The following ATP2C1 variants were observed in gnomAD, a reference collection of about 807,000 sequenced individuals.
The protein encoded by ATP2C1 is ATPase secretory pathway Ca2+ transporting 1.
ATP2C1 carries 31 observed loss-of-function variants against 120.5 expected under a neutral mutation model. The ratio of observed to expected loss-of-function variants is 0.26; its 90% confidence interval spans 0.19 to 0.35. ATP2C1 has a LOEUF of 0.35. Ranked by LOEUF, ATP2C1 falls within the 10% of genes least tolerant of loss-of-function variation. The pLI is 1.00. For missense variants in ATP2C1, 731 were observed against 1,107.5 expected (o/e 0.66, Z 4.83); for synonymous variants, 351 against 358.7 (o/e 0.98, Z 0.24).
At chr3:130,855,169 T>C (rs1404796976) in intron 1 of ATP2C1, among the ~76,000 whole-genome samples, 4 of 152,218 alleles carry the variant, frequency 2.6e-5, no homozygotes, top group Non-Finnish European at 5.9e-5. Context: ...TGCAATAGTT[T>C]TCCAATTCGT....
intron 1 of ATP2C1, among the ~76,000 whole-genome samples, chr3:130,860,562 GTAT>G (rs762994665): frequency 1.3e-5 from 2 of 152,198 alleles, no homozygotes; most frequent in African/African-American, 2.4e-5. Context: ...AAAGTCAGTG[GTAT>G]TATCCCCATT....
At chr3:130,870,413 C>G (rs1484111422) in intron 1 of ATP2C1, among the ~76,000 whole-genome samples, 1 of 152,186 alleles carries the variant, frequency 6.6e-6, no homozygotes, top group East Asian at 1.9e-4. Context: ...AAACTGAAAA[C>G]TTTCCAGAGA....
Position 130,994,042 on chromosome 3 carries a change from T to C in ATP2C1, c.2001T>C (p.Asp667=). ...TTGCGATGGGCCAGACTGGTACAGA[T>C]GTTTGCAAAGAGGCAGCAGACATGA... ...IGVAMGQTGT[D]VCKEAADMIL... Residue 667 remains aspartate, a synonymous_variant, in exon 22 of 28, where the codon GAT becomes GAC. Transcript: ENST00000510168. 6.2e-7 allele frequency: 1 copy of C among 1,614,156 alleles called. No homozygotes were observed. Among genetic ancestry groups the C allele is most frequent in the Non-Finnish European group, 8.5e-7 (1 of 1,180,020 alleles).
chr3:130,929,020 CAT>C lies in ATP2C1; in HGVS notation c.7-1395_7-1394del, dbSNP rs781442615. ...TAAGGGCATTTCAGTGGCTCTAAAA[CAT>C]GTGTGTAGCTTTTGTAAAATTCCTA... On this transcript the variant is annotated intron_variant, in intron 2 of 27. Coordinates refer to ENST00000510168, the MANE Select transcript of ATP2C1 (RefSeq NM_001378687.1). Among the ~76,000 whole-genome samples the C allele has an allele frequency of 1.1e-3, 172 of 152,224 alleles. 2 individuals carry two copies. Among genetic ancestry groups the C allele is most frequent in the African/African-American group, 3.4e-3 (141 of 41,540 alleles).
chr3:130,975,030 T>A (rs963528900), intron 17 of ATP2C1, among the ~76,000 whole-genome samples: 1 of 152,204 alleles, frequency 6.6e-6, no homozygotes, highest in Non-Finnish European at 1.5e-5. Context: ...GAGCTGTTAT[T>A]TCTCTTCCAT....
chr3:130,952,758 C>A (rs528526099), intron 8 of ATP2C1, among the ~76,000 whole-genome samples: 1 of 152,200 alleles, frequency 6.6e-6, no homozygotes, highest in African/African-American at 2.4e-5. Context: ...TCCTAAGGAC[C>A]CTTGAATAAA....
intron 2 of ATP2C1, among the ~76,000 whole-genome samples, chr3:130,896,929 T>G (rs2069682563): frequency 6.6e-6 from 1 of 152,222 alleles, no homozygotes; most frequent in Non-Finnish European, 1.5e-5. Flanking sequence ...TTTGGCTTTG[T>G]GCATATTAAA....
At chr3:130,969,739 G>A (rs987600955) in intron 17 of ATP2C1, among the ~76,000 whole-genome samples, 2 of 152,120 alleles carry the variant, frequency 1.3e-5, no homozygotes, top group Non-Finnish European at 2.9e-5. Flanking sequence ...TGCAGACTGT[G>A]TTTCAATCTG....
rs572133403 is a variant in ATP2C1 at position 130,978,073 on chromosome 3, A to C, written c.1571-1176A>C. Among the ~76,000 whole-genome samples the C allele has an allele frequency of 4.6e-5, 7 of 152,318 alleles. No homozygotes were observed. In the South Asian group the frequency reaches 1.4e-3, roughly 32 times the overall value. Reference sequence around the variant, plus strand: ...TGCCACCCCTCCATTAGGAGTGCGCAGAGCTGATCTTTCCGTCTTAGGATT... The same window carrying C: ...TGCCACCCCTCCATTAGGAGTGCGCCGAGCTGATCTTTCCGTCTTAGGATT... On this transcript the variant is annotated intron_variant, in intron 18 of 27. Coordinates refer to ENST00000510168, the MANE Select transcript of ATP2C1 (RefSeq NM_001378687.1).
At chr3:130,938,143 G>T (rs183541633) in intron 6 of ATP2C1, among the ~76,000 whole-genome samples, 33 of 152,284 alleles carry the variant, frequency 2.2e-4, no homozygotes, top group Non-Finnish European at 3.5e-4. Flanking sequence ...CATATGTAAA[G>T]TAGCCCCTTT....
At chr3:130,985,272 T>TA (rs760795355) in intron 20 of ATP2C1, among the ~76,000 whole-genome samples, 53 of 152,174 alleles carry the variant, frequency 3.5e-4, no homozygotes, top group Non-Finnish European at 5.7e-4. Context: ...AAAGGTGAAA[T>TA]ACATAGCATA....
chr3:130,949,031 A>G (rs919077039), intron 8 of ATP2C1, among the ~76,000 whole-genome samples: 2 of 152,144 alleles, frequency 1.3e-5, no homozygotes, highest in African/African-American at 2.4e-5. Context: ...AGAAACAGCA[A>G]TATGGAAATT....
At chr3:131,014,556 A>G (rs530840468) in intron 26 of ATP2C1, among the ~76,000 whole-genome samples, 5 of 152,350 alleles carry the variant, frequency 3.3e-5, no homozygotes, top group Non-Finnish European at 7.3e-5. Flanking sequence ...GAAGGAACTG[A>G]GCTGGTATGA....
upstream of ATP2C1, chr3:130,893,895 C>T (rs763136707): frequency 5.1e-6 from 5 of 981,520 alleles, no homozygotes; most frequent in East Asian, 1.1e-4. Context: ...ATTGTCCATT[C>T]CGGGCCGAAG....
At chr3:130,854,222 C>T (rs1358145519) in intron 1 of ATP2C1, 1 of 152,176 alleles carries the variant, frequency 6.6e-6, no homozygotes, top group Admixed American at 6.5e-5. Flanking sequence ...AGCCAAATCC[C>T]CACATATGTA....
intron 1 of ATP2C1, among the ~76,000 whole-genome samples, chr3:130,867,830 C>T (rs1642333037): frequency 7.2e-6 from 1 of 139,070 alleles, no homozygotes; most frequent in African/African-American, 2.7e-5. Flanking sequence ...GGCCGCCATC[C>T]CATCTAGGAA....
intron 8 of ATP2C1, among the ~76,000 whole-genome samples, chr3:130,942,825 C>A (rs984304463): frequency 1.8e-4 from 28 of 152,200 alleles, no homozygotes; most frequent in African/African-American, 6.0e-4. Flanking sequence ...GATGACAATA[C>A]CTTGAATTAT....
At chr3:131,015,864 C>A in intron 26 of ATP2C1, 1 of 503,064 alleles carries the variant, frequency 2.0e-6, no homozygotes, top group Non-Finnish European at 3.6e-6. Flanking sequence ...CAATGATTGC[C>A]TCCCCTCTCC....
chr3:131,006,882 G>T (rs1224753669), downstream of ATP2C1, among the ~76,000 whole-genome samples: 2 of 151,928 alleles, frequency 1.3e-5, no homozygotes, highest in Non-Finnish European at 2.9e-5. Context: ...TGCCCAGGCT[G>T]GTCTCAAACT....
Sources: gnomAD v4.1 joint callset for allele counts (sites outside exome capture counted in the v4.1 genomes callset) on GRCh38, gnomAD v4.1.1 for gene constraint, MANE v1.5 for transcripts, NCBI Gene and HGNC (gene_info 2026-07-23, HGNC 2026-07-21) for gene names.